NIPAL2: variants seen among roughly 807,000 people sequenced by gnomAD.
NIPAL2 encodes the protein NIPA-like protein 2.
A neutral mutation model predicts 48.9 loss-of-function variants in NIPAL2; 43 were observed. The observed-to-expected ratio is 0.88, with a 90% CI of 0.69 to 1.13. The LOEUF (loss-of-function observed/expected upper bound fraction) is 1.13. Among genes scored for constraint, NIPAL2 ranks in the 50% most tolerant of loss-of-function variants. The pLI, the probability that NIPAL2 is intolerant of heterozygous loss-of-function variation, is 0.00. For synonymous variants in NIPAL2, 167 were observed against 174.6 expected, an observed-to-expected ratio of 0.96 and a Z score of 0.34; for missense variants, 446 against 461.4, an observed-to-expected ratio of 0.97 and a Z score of 0.31.
chr8:98,261,482 C>T (rs1440780209), intron 1 of NIPAL2, among the ~76,000 whole-genome samples: 1 of 146,286 alleles, frequency 6.8e-6, no homozygotes, highest in Non-Finnish European at 1.5e-5. Flanking sequence ...GTGAAGAATG[C>T]AGAAGCCTCA....
intron 3 of NIPAL2, among the ~76,000 whole-genome samples, chr8:98,245,234 G>A (rs960075614): frequency 6.6e-6 from 1 of 152,148 alleles, no homozygotes; most frequent in Non-Finnish European, 1.5e-5. Flanking sequence ...CACATCGAGC[G>A]TGCTCACAGG....
chr8:98,230,175 C>CT (rs969862571), intron 4 of NIPAL2, among the ~76,000 whole-genome samples: 6 of 152,184 alleles, frequency 3.9e-5, no homozygotes, highest in African/African-American at 1.4e-4. Flanking sequence ...AGGGCTGTCA[C>CT]TTACATTGAA....
chr8:98,266,074 T>C (rs1205009613), intron 1 of NIPAL2, among the ~76,000 whole-genome samples: 5 of 138,216 alleles, frequency 3.6e-5, no homozygotes, highest in Non-Finnish European at 6.1e-5. Context: ...TAGGTGGGAA[T>C]TGAACAATGA....
intron 1 of NIPAL2, among the ~76,000 whole-genome samples, chr8:98,280,761 T>TATATATATATATATATATAGAGAGAGAG: frequency 8.3e-4 from 25 of 29,998 alleles, no homozygotes; most frequent in African/African-American, 1.6e-3. Flanking sequence ...TATATATATA[T>TATATATATATATATATATAGAGAGAGAG]AGAGAGAGAG....
chr8:98,257,496 A>T (rs926333574), intron 1 of NIPAL2, among the ~76,000 whole-genome samples: 2 of 152,000 alleles, frequency 1.3e-5, no homozygotes, highest in Non-Finnish European at 2.9e-5. Flanking sequence ...TGACCTCATG[A>T]TCTGCCCGCC....
chr8:98,214,792 T>C (rs1811496449), intron 5 of NIPAL2, among the ~76,000 whole-genome samples: 2 of 152,182 alleles, frequency 1.3e-5, no homozygotes, highest in Non-Finnish European at 2.9e-5. Context: ...TGTCTTTTCT[T>C]CTCCGGGTAA....
chr8:98,242,494 T>TG (rs71273113), intron 3 of NIPAL2, among the ~76,000 whole-genome samples: 59 of 141,456 alleles, frequency 4.2e-4, no homozygotes, highest in East Asian at 1.0e-3. Context: ...ACAGATTTTT[T>TG]TTTTTTTTTT....
intron 1 of NIPAL2, among the ~76,000 whole-genome samples, chr8:98,268,622 G>GAA (rs56795032): frequency 6.5e-5 from 8 of 123,998 alleles, no homozygotes; most frequent in African/African-American, 2.2e-4. Flanking sequence ...CTGTCTCAAA[G>GAA]AAAAAAAAAA....
At chr8:98,212,347 C>T in intron 6 of NIPAL2, 58 bp downstream of exon 6, 1 of 914,398 alleles carries the variant, frequency 1.1e-6, no homozygotes, top group Non-Finnish European at 1.8e-6. Context: ...TCCTTCAAAC[C>T]TCATTTATGA....
intron 8 of NIPAL2, among the ~76,000 whole-genome samples, chr8:98,199,199 G>T (rs376247127): frequency 6.6e-6 from 1 of 151,856 alleles, no homozygotes; most frequent in Non-Finnish European, 1.5e-5. Context: ...CAGGTGATCC[G>T]CCCGCCTCAG....
chr8:98,253,503 G>A (rs1488097063), intron 2 of NIPAL2, among the ~76,000 whole-genome samples: 1 of 152,048 alleles, frequency 6.6e-6, no homozygotes, highest in Non-Finnish European at 1.5e-5. Context: ...GCAAATCAGC[G>A]ATTTATTCAT....
chr8:98,246,387 T>C (rs1366551943), intron 3 of NIPAL2, among the ~76,000 whole-genome samples: 1 of 152,158 alleles, frequency 6.6e-6, no homozygotes, highest in Non-Finnish European at 1.5e-5. Context: ...AGACTCATGC[T>C]CTCCTCATTT....
chr8:98,281,406 G>C (rs537559743), intron 1 of NIPAL2, among the ~76,000 whole-genome samples: 1 of 152,214 alleles, frequency 6.6e-6, no homozygotes, highest in East Asian at 1.9e-4. Flanking sequence ...CAGGAAGAAT[G>C]AGTAAGATCA....
At chr8:98,194,043 GA>G (rs1417661250) in intron 10 of NIPAL2, among the ~76,000 whole-genome samples, 3 of 152,170 alleles carry the variant, frequency 2.0e-5, no homozygotes, top group African/African-American at 7.2e-5. Flanking sequence ...GAATGGTGGA[GA>G]AAGCTGTGAG....
Position 98,254,034 on chromosome 8 carries a change from A to C in NIPAL2, c.189T>G (p.Ile63Met). The part of the protein sequence containing the change: ...LAILGNLVIS[I>M]SLNIQKYSHL... ...TTTTTCTTACCTGAATATTTAGAGAAATACTGATCACCAAGTTTCCTAAAA... is the reference window on the plus strand; with the variant it reads ...TTTTTCTTACCTGAATATTTAGAGACATACTGATCACCAAGTTTCCTAAAA... The change falls in exon 2 of 11, where the codon ATT becomes ATG. Residue 63 changes from isoleucine to methionine, a missense_variant. By Grantham distance (10) the Ile-to-Met change is conservative (BLOSUM62 1). Transcript: ENST00000430223. The C allele has an allele frequency of 6.2e-7, 1 of 1,610,120 alleles. No individual in the cohort carries two copies. Among genetic ancestry groups the C allele is most frequent in the South Asian group, 1.1e-5 (1 of 90,710 alleles).
chr8:98,227,831 G>C (rs1025865559), intron 4 of NIPAL2, among the ~76,000 whole-genome samples: 23 of 152,184 alleles, frequency 1.5e-4, no homozygotes, highest in Admixed American at 6.5e-5. Flanking sequence ...ACTTGCCTAG[G>C]AGTTGCAGTT....
chr8:98,238,999 A>AG (rs1272132152), intron 3 of NIPAL2, among the ~76,000 whole-genome samples: 1 of 152,188 alleles, frequency 6.6e-6, no homozygotes, highest in Non-Finnish European at 1.5e-5. Context: ...TAATTAAGTA[A>AG]GGGATGTTTC....
At chr8:98,244,214 T>G (rs1288855923) in intron 3 of NIPAL2, among the ~76,000 whole-genome samples, 9 of 113,222 alleles carry the variant, frequency 7.9e-5, no homozygotes, top group Admixed American at 1.8e-4. Context: ...AAAAAAAAAA[T>G]GAGGGGGGTG....
chr8:98,280,657 A>C (rs1374306943), intron 1 of NIPAL2, among the ~76,000 whole-genome samples: 1 of 150,534 alleles, frequency 6.6e-6, no homozygotes, highest in East Asian at 1.9e-4. Context: ...GAAGACATCC[A>C]AACTCTTAGA....
Sources: gnomAD v4.1 joint callset for allele counts (sites outside exome capture counted in the v4.1 genomes callset) on GRCh38, gnomAD v4.1.1 for gene constraint, MANE v1.5 for transcripts, NCBI Gene and HGNC (gene_info 2026-07-23, HGNC 2026-07-21) for gene names.